The following GRIA4 variants were observed in gnomAD, a reference collection of about 807,000 sequenced individuals.
GRIA4 encodes the protein glutamate receptor 4.
GRIA4 carries 34 observed loss-of-function variants against 104.0 expected under a neutral mutation model. That is an observed-to-expected ratio of 0.33 (90% CI 0.25 to 0.44). GRIA4 has a LOEUF of 0.44. Among genes scored for constraint, GRIA4 ranks in the 20% least tolerant of loss-of-function variants. The pLI, the probability that GRIA4 is intolerant of heterozygous loss-of-function variation, is 1.00. For missense variants in GRIA4, 750 were observed against 1,096.5 expected (o/e 0.68, Z 4.46); for synonymous variants, 386 against 381.9 (o/e 1.01, Z -0.13).
At chr11:105,741,402 G>A (rs531850383) in intron 3 of GRIA4, among the ~76,000 whole-genome samples, 35 of 152,250 alleles carry the variant, frequency 2.3e-4, no homozygotes, top group African/African-American at 7.7e-4. Flanking sequence ...GGGAGCTTTG[G>A]AACATGAGTA....
chr11:105,659,337 A>G (rs541436170), intron 3 of GRIA4, among the ~76,000 whole-genome samples: 1 of 152,114 alleles, frequency 6.6e-6, no homozygotes, highest in Non-Finnish European at 1.5e-5. Flanking sequence ...GTGGAGAGAT[A>G]TTAAGAGACT....
chr11:105,868,788 G>T (rs982938461), intron 5 of GRIA4, among the ~76,000 whole-genome samples: 1 of 152,130 alleles, frequency 6.6e-6, no homozygotes, highest in Non-Finnish European at 1.5e-5. Context: ...GCAATTTCCC[G>T]CACTGCAGTA....
chr11:105,755,325 C>T (rs987575613), intron 4 of GRIA4, among the ~76,000 whole-genome samples: 1 of 152,152 alleles, frequency 6.6e-6, no homozygotes, highest in African/African-American at 2.4e-5. Context: ...CTTTAAATGA[C>T]ATGCCTTTTA....
chr11:105,898,054 T>A (rs573355180), intron 6 of GRIA4, among the ~76,000 whole-genome samples: 1 of 152,270 alleles, frequency 6.6e-6, no homozygotes, highest in East Asian at 1.9e-4. Context: ...TAAAAACATA[T>A]CTTTGTCTCA....
chr11:105,630,445 T>A (rs994860595), intron 3 of GRIA4, among the ~76,000 whole-genome samples: 4 of 152,062 alleles, frequency 2.6e-5, no homozygotes, highest in African/African-American at 9.7e-5. Context: ...GTGCCTGTAA[T>A]CCCAGCTACT....
intron 3 of GRIA4, among the ~76,000 whole-genome samples, chr11:105,695,441 C>A (rs967400297): frequency 1.4e-5 from 2 of 144,980 alleles, no homozygotes; most frequent in Non-Finnish European, 3.0e-5. Context: ...AGAGTGTATG[C>A]GTGCGTGTGT....
intron 4 of GRIA4, among the ~76,000 whole-genome samples, chr11:105,775,542 A>C (rs1941411573): frequency 6.6e-6 from 1 of 152,176 alleles, no homozygotes; most frequent in Admixed American, 6.6e-5. Context: ...ATGAAAACAA[A>C]ATTAACAGGC....
At chr11:105,948,988 T>C (rs1948399448) in intron 14 of GRIA4, among the ~76,000 whole-genome samples, 1 of 152,160 alleles carries the variant, frequency 6.6e-6, no homozygotes, top group Non-Finnish European at 1.5e-5. Flanking sequence ...TCTTGAAGTT[T>C]AGTTAAGAGT....
At chr11:105,720,444 A>G (rs1937713720) in intron 3 of GRIA4, among the ~76,000 whole-genome samples, 1 of 152,190 alleles carries the variant, frequency 6.6e-6, no homozygotes, top group African/African-American at 2.4e-5. Flanking sequence ...AAAAGAAAAT[A>G]TGTGGCCTAT....
chr11:105,911,958 C>G lies in GRIA4; in HGVS notation c.1269+1413C>G. On this transcript the variant is annotated intron_variant, in intron 10 of 16. Coordinates refer to ENST00000282499, the MANE Select transcript of GRIA4 (RefSeq NM_000829.4). ...TGTTCGACCATTCCTAACTAAGGCT[C>G]AAGTCTTGTTCTCCAGTGTAGTAAA... The G allele has an allele frequency of 2.6e-6, 4 of 1,525,228 alleles. No individual in the cohort carries two copies. In the South Asian group the frequency reaches 5.1e-5, roughly 20 times the overall value. 94.5% of individuals were successfully genotyped at this position (1,525,228 alleles called of 1,614,324 possible).
chr11:105,820,572 C>G (rs1290524740), intron 4 of GRIA4, among the ~76,000 whole-genome samples: 2 of 152,006 alleles, frequency 1.3e-5, no homozygotes, highest in East Asian at 3.9e-4. Flanking sequence ...ACATGAAAAT[C>G]CTCATTCTTC....
intron 4 of GRIA4, among the ~76,000 whole-genome samples, chr11:105,770,747 A>G (rs976626610): frequency 2.0e-5 from 3 of 151,938 alleles, no homozygotes; most frequent in South Asian, 2.1e-4. Context: ...GATTTTTCCA[A>G]TTTTCACAAA....
intron 4 of GRIA4, among the ~76,000 whole-genome samples, chr11:105,758,711 CA>C (rs1348301330): frequency 1.3e-5 from 2 of 152,016 alleles, no homozygotes; most frequent in Non-Finnish European, 2.9e-5. Flanking sequence ...CTTTACTTAA[CA>C]GATGTGCTTT....
intron 5 of GRIA4, among the ~76,000 whole-genome samples, chr11:105,885,407 T>A (rs1946219645): frequency 6.6e-6 from 1 of 152,218 alleles, no homozygotes; most frequent in African/African-American, 2.4e-5. Context: ...GTGGACTAGA[T>A]AAATCTGGCA....
chr11:105,685,514 G>A (rs75572142), intron 3 of GRIA4, among the ~76,000 whole-genome samples: 2,518 of 152,184 alleles, frequency 0.017, 61 homozygotes, highest in East Asian at 0.049. Context: ...ATGTAATTCA[G>A]TCTACTAAAA....
At chr11:105,827,897 G>A (rs1259511226) in intron 4 of GRIA4, among the ~76,000 whole-genome samples, 4 of 152,030 alleles carry the variant, frequency 2.6e-5, no homozygotes, top group Non-Finnish European at 5.9e-5. Flanking sequence ...TAATTAAGCA[G>A]ATTCTGCCAA....
chr11:105,821,970 C>T (rs187571549), intron 4 of GRIA4, among the ~76,000 whole-genome samples: 239 of 152,122 alleles, frequency 1.6e-3, no homozygotes, highest in African/African-American at 5.6e-3. Flanking sequence ...GACTCTGCTG[C>T]GCTCGCCACG....
intron 3 of GRIA4, among the ~76,000 whole-genome samples, chr11:105,712,985 C>G (rs1953965505): frequency 6.6e-6 from 1 of 152,116 alleles, no homozygotes; most frequent in Non-Finnish European, 1.5e-5. Flanking sequence ...TATTGAATAT[C>G]ATAATGGAGA....
intron 3 of GRIA4, among the ~76,000 whole-genome samples, chr11:105,640,022 G>T (rs1448361189): frequency 3.3e-5 from 5 of 151,810 alleles, no homozygotes; most frequent in Non-Finnish European, 2.9e-5. Flanking sequence ...AGTAATAAAT[G>T]ATTAATGGGA....
Sources: allele counts gnomAD v4.1 joint callset (sites outside exome capture counted in the v4.1 genomes callset), GRCh38; gene constraint gnomAD v4.1.1; transcripts MANE v1.5; gene names NCBI Gene and HGNC (gene_info 2026-07-23, HGNC 2026-07-21).